The following DDB1 variants were observed in gnomAD, a reference collection of about 807,000 sequenced individuals.
DDB1 encodes the protein DNA damage-binding protein 1.
DDB1 carries 18 observed loss-of-function variants against 133.1 expected under a neutral mutation model. The observed-to-expected ratio is 0.14, with a 90% confidence interval of 0.09 to 0.20. The LOEUF (loss-of-function observed/expected upper bound fraction) is 0.20. Among genes scored for constraint, DDB1 ranks in the 10% least tolerant of loss-of-function variants. The probability of loss-of-function intolerance (pLI) is 1.00; values close to 1 mark genes in which losing one functional copy is unlikely to be tolerated. For missense variants in DDB1, 828 were observed against 1,459.2 expected, an observed-to-expected ratio of 0.57 and a Z score of 7.05; for synonymous variants, 580 against 550.5, an observed-to-expected ratio of 1.05 and a Z score of -0.75.
chr11:61,311,258 AAACATAACAT>A (rs56167776), intron 18 of DDB1: 23,050 of 140,420 alleles, frequency 0.16, 2,077 homozygotes, highest in Non-Finnish European at 0.2. Context: ...TCTCAATAAC[AAACATAACAT>A]AACATAACAT....
At chr11:61,330,206 G>T in intron 2 of DDB1, 132 bp from the exon 3 acceptor site, 1 of 668,560 alleles carries the variant, frequency 1.5e-6, no homozygotes, top group Non-Finnish European at 2.5e-6. Flanking sequence ...TACATGGTGA[G>T]CTTGTAACCC....
chr11:61,302,559 GTGCCCCACAGGGGTGACCTTACCTATCA>G lies in DDB1; in HGVS notation c.3107_3112+22del. 1 of 1,612,944 alleles carries G rather than the reference GTGCCCCACAGGGGTGACCTTACCTATCA, an allele frequency of 6.2e-7. No individual in the cohort carries two copies. The highest frequency in any genetic ancestry group is 8.5e-7 in the Non-Finnish European group (1 of 1,178,996). ...TCAGGAAGGAGGCCTGTGTGGGGGT[GTGCCCCACAGGGGTGACCTTACCTATCA>G]TGCCGTTGACCGTGCCGAAGAGCAC... On this transcript the variant is annotated splice_donor_variant and splice_donor_5th_base_variant and coding_sequence_variant and intron_variant, in exon 24 of 27. Transcript: ENST00000301764. LOFTEE classifies it high-confidence loss of function.
intron 8 of DDB1, 113 bp from the exon 9 acceptor site, chr11:61,322,525 T>C: frequency 1.3e-6 from 1 of 794,616 alleles, no homozygotes; most frequent in Admixed American, 1.9e-5. Context: ...AGATCTGCCA[T>C]TCTCATGTTC....
In DDB1 at chr11:61,328,433, T is replaced by C. The variant is rs150695162; in HGVS notation, c.549+930A>G. Among the ~76,000 whole-genome samples the C allele has an allele frequency of 5.0e-3, 759 of 152,324 alleles. 9 individuals carry two copies. Among genetic ancestry groups the C allele is most frequent in the African/African-American group, 0.017 (711 of 41,568 alleles). On this transcript the variant is annotated intron_variant, in intron 4 of 26. Transcript: ENST00000301764. Reference sequence around the variant, plus strand: ...AAATGATCTTATGCTGCATGGCCCTTTGTTAAAGGGCTGAGATTTTACCAA... The same window carrying C: ...AAATGATCTTATGCTGCATGGCCCTCTGTTAAAGGGCTGAGATTTTACCAA...
Position 61,300,146 on chromosome 11 carries a change from C to G in DDB1, c.3413G>C (p.Arg1138Pro). The stretch of plus-strand genomic sequence containing the variant: ...GCCCCCTGCCCTTGGCTAATGGATC[C>G]GAGTTAGCTCCTCCACAACCTTGAT... ...DLIKVVEELT[R>P]IH Residue 1138 changes from arginine to proline, a missense_variant, in exon 27 of 27, where the codon CGG (arginine) becomes CCG (proline). This residue lies in a region of DDB1 where 116 missense variants were observed against 221.6 expected (regional missense o/e 0.52). Coordinates refer to ENST00000301764, the MANE Select transcript of DDB1 (RefSeq NM_001923.5). The G allele has an allele frequency of 1.2e-6, 2 of 1,614,106 alleles. No individual in the cohort carries two copies. Among genetic ancestry groups the G allele is most frequent in the Non-Finnish European group, 8.5e-7 (1 of 1,180,010 alleles).
At chr11:61,318,132 T>C (rs1220933424) in intron 10 of DDB1, among the ~76,000 whole-genome samples, 3 of 152,368 alleles carry the variant, frequency 2.0e-5, no homozygotes, top group South Asian at 2.1e-4. Flanking sequence ...TGTTCTTTCA[T>C]TGAACAATAT....
At chr11:61,332,814 C>G (rs1408615597) in intron 1 of DDB1, 94 bp downstream of exon 1, 9 of 1,186,424 alleles carry the variant, frequency 7.6e-6, no homozygotes, top group Middle Eastern at 6.3e-4. Flanking sequence ...CGGGCCCACT[C>G]CTGCCCGGCC....
At chr11:61,306,476 C>T (rs1243477155) in intron 21 of DDB1, among the ~76,000 whole-genome samples, 1 of 152,170 alleles carries the variant, frequency 6.6e-6, no homozygotes, top group Admixed American at 6.5e-5. Flanking sequence ...CCAACCCACC[C>T]ATCACTCTCT....
At chr11:61,303,700 CAAAAAAAAA>C (rs59840297) in intron 22 of DDB1, among the ~76,000 whole-genome samples, 156 bp downstream of exon 22, 13 of 44,248 alleles carry the variant, frequency 2.9e-4, no homozygotes, top group African/African-American at 9.3e-4. Flanking sequence ...GACTGCGTCT[CAAAAAAAAA>C]AAAAAAAAAA....
chr11:61,313,740 A>C (rs778416272), intron 15 of DDB1, 34 bp from the exon 16 acceptor site: 2 of 1,583,246 alleles, frequency 1.3e-6, no homozygotes, highest in Non-Finnish European at 8.6e-7. Context: ...GAAAGGAAGA[A>C]AGAAAACAGG....
Position 61,309,055 on chromosome 11 carries a change from T to C in DDB1, c.2589A>G (p.Glu863=). The change falls in exon 21 of 27, where the codon GAA becomes GAG. Residue 863 remains glutamate, a synonymous_variant. Coordinates refer to ENST00000301764, the MANE Select transcript of DDB1 (RefSeq NM_001923.5). ...YSDGKLQTVA[E]KEVKGAVYSM... ...AGTACACGGCCCCTTTCACTTCCTT[T>C]TCAGCCACAGTCTGTAGTTTTCCTG... The C allele has an allele frequency of 3.1e-6, 5 of 1,614,178 alleles. No homozygotes were observed. The highest frequency in any genetic ancestry group is 4.2e-6 in the Non-Finnish European group (5 of 1,180,042).
rs1025577857 is a variant in DDB1, at chr11:61,322,514, T to C, written c.1006-102A>G. 61 of 856,170 alleles carry C rather than the reference T, an allele frequency of 7.1e-5. 1 individual carries two copies. Among genetic ancestry groups the C allele is most frequent in the Middle Eastern group, 6.7e-4 (3 of 4,492 alleles). The allele number at this position is 856,170 out of a possible 1,614,324, so 53.0% of individuals were successfully genotyped here. On this transcript the variant is annotated intron_variant, in intron 8 of 26. Coordinates refer to ENST00000301764, the MANE Select transcript of DDB1 (RefSeq NM_001923.5). The stretch of plus-strand genomic sequence containing the variant: ...AAAGAAACTCTCAATAACTAGTTTC[T>C]AGATCTGCCATTCTCATGTTCCAAG...
intron 7 of DDB1, chr11:61,323,757 T>G: frequency 1.9e-6 from 1 of 531,108 alleles, no homozygotes; most frequent in Non-Finnish European, 3.4e-6. Flanking sequence ...CTGTTTCCCT[T>G]TCTTTTCCTT....
intron 12 of DDB1, 36 bp downstream of exon 12, chr11:61,316,249 G>T: frequency 6.3e-7 from 1 of 1,581,042 alleles, no homozygotes; most frequent in Non-Finnish European, 8.7e-7. Context: ...GTCAATTCAA[G>T]TATATGGTAA....
At chr11:61,310,523 C>A in intron 18 of DDB1, 105 bp from the exon 19 acceptor site, 1 of 1,342,854 alleles carries the variant, frequency 7.4e-7, no homozygotes, top group South Asian at 1.7e-5. Flanking sequence ...CTGCAGCTAG[C>A]CAAGAACTCT....
At chr11:61,317,138 G>A (rs568398928) in intron 10 of DDB1, among the ~76,000 whole-genome samples, 10 of 151,278 alleles carry the variant, frequency 6.6e-5, no homozygotes, top group African/African-American at 1.7e-4. Flanking sequence ...TTTTTGAGAC[G>A]GAGTCTCGCT....
At chr11:61,302,484 A>G (rs1590677565) in intron 24 of DDB1, 98 bp downstream of exon 24, 3 of 1,583,496 alleles carry the variant, frequency 1.9e-6, no homozygotes, top group African/African-American at 2.7e-5. Context: ...CCTCTAGTAA[A>G]CACCTAGGTC....
At chr11:61,321,460 C>A in intron 10 of DDB1, 135 bp downstream of exon 10, 27 of 483,042 alleles carry the variant, frequency 5.6e-5, no homozygotes, top group Non-Finnish European at 7.1e-5. Context: ...GTTTAAGCTT[C>A]TGATCTGTTG....
chr11:61,304,141 A>T, intron 21 of DDB1, 106 bp from the exon 22 acceptor site: 2 of 1,282,430 alleles, frequency 1.6e-6, no homozygotes, highest in South Asian at 1.3e-5. Flanking sequence ...TCAAAGTGCA[A>T]TGCGGGACAG....
Sources: allele counts gnomAD v4.1 joint callset (sites outside exome capture counted in the v4.1 genomes callset), GRCh38; gene constraint gnomAD v4.1.1; regional missense constraint gnomAD v4.1.1; transcripts MANE v1.5; gene names NCBI Gene and HGNC (gene_info 2026-07-23, HGNC 2026-07-21).